Variants in MSH3 observed in about 807,000 individuals in gnomAD.
The protein encoded by MSH3 is DNA mismatch repair protein Msh3.
MSH3 carries 106 observed loss-of-function variants against 123.3 expected under a neutral mutation model. That is an observed-to-expected ratio of 0.86 (90% CI 0.73 to 1.01). The LOEUF is 1.01. Ranked by LOEUF, MSH3 falls within the 50% of genes least tolerant of loss-of-function variation. MSH3 has a pLI of 0.00. For synonymous variants in MSH3, 515 were observed against 481.4 expected, an observed-to-expected ratio of 1.07 and a Z score of -0.91; for missense variants, 1,459 against 1,347.6, an observed-to-expected ratio of 1.08 and a Z score of -1.29.
intron 8 of MSH3, among the ~76,000 whole-genome samples, chr5:80,688,045 G>A (rs1312208887): frequency 2.0e-5 from 3 of 152,110 alleles, no homozygotes; most frequent in African/African-American, 7.2e-5. Context: ...AATGATGTGA[G>A]CTAATTTTTT....
At chr5:80,720,514 CA>C (rs1751057356) in intron 8 of MSH3, among the ~76,000 whole-genome samples, 1 of 151,890 alleles carries the variant, frequency 6.6e-6, no homozygotes, top group Non-Finnish European at 1.5e-5. Context: ...AGTATTTATT[CA>C]GTTGTGTGCC....
At chr5:80,729,969 A>G (rs1312239004) in intron 10 of MSH3, among the ~76,000 whole-genome samples, 1 of 152,144 alleles carries the variant, frequency 6.6e-6, no homozygotes, top group Non-Finnish European at 1.5e-5. Context: ...ACTAGGAAAC[A>G]AGGAGGTGGT....
intron 5 of MSH3, among the ~76,000 whole-genome samples, 166 bp downstream of exon 5, chr5:80,672,526 T>C (rs1253855817): frequency 6.6e-6 from 1 of 152,250 alleles, no homozygotes; most frequent in East Asian, 1.9e-4. Context: ...TATGAGTTTT[T>C]AACATATTGT....
intron 20 of MSH3, among the ~76,000 whole-genome samples, chr5:80,844,042 A>G (rs896736062): frequency 6.6e-6 from 1 of 152,018 alleles, no homozygotes; most frequent in Non-Finnish European, 1.5e-5. Context: ...ATTTAGTGCT[A>G]TAAATTTCCC....
intron 11 of MSH3, among the ~76,000 whole-genome samples, chr5:80,742,873 C>T (rs913788621): frequency 7.9e-5 from 12 of 152,138 alleles, no homozygotes; most frequent in Non-Finnish European, 7.3e-5. Flanking sequence ...CTGCTTCTGC[C>T]GCATCTTCCC....
chr5:80,823,676 A>G (rs909011018), intron 20 of MSH3, among the ~76,000 whole-genome samples: 1 of 151,904 alleles, frequency 6.6e-6, no homozygotes, highest in Non-Finnish European at 1.5e-5. Flanking sequence ...CCCTACCTCC[A>G]GAAATCTTTT....
At chr5:80,684,082 T>C (rs1236285166) in intron 8 of MSH3, among the ~76,000 whole-genome samples, 3 of 152,212 alleles carry the variant, frequency 2.0e-5, no homozygotes, top group African/African-American at 7.2e-5. Context: ...TTTTGGTTAC[T>C]ATAGCTCTGT....
At chr5:80,785,082 G>A (rs965258369) in intron 17 of MSH3, among the ~76,000 whole-genome samples, 1 of 152,102 alleles carries the variant, frequency 6.6e-6, no homozygotes, top group Non-Finnish European at 1.5e-5. Context: ...AGTGTAATCT[G>A]GATATCTTTT....
chr5:80,748,357 A>G (rs909700908), intron 12 of MSH3, among the ~76,000 whole-genome samples: 2 of 152,148 alleles, frequency 1.3e-5, no homozygotes, highest in African/African-American at 4.8e-5. Context: ...TTTAATAGTG[A>G]CTTTTAGAAA....
intron 8 of MSH3, among the ~76,000 whole-genome samples, chr5:80,687,003 A>G (rs3797880): frequency 0.076 from 11,542 of 152,248 alleles, 850 homozygotes; most frequent in East Asian, 0.34. Context: ...TTACTGTTTA[A>G]TGGTTACTAA....
intron 20 of MSH3, among the ~76,000 whole-genome samples, chr5:80,837,871 C>A (rs1052853300): frequency 6.6e-6 from 1 of 152,154 alleles, no homozygotes; most frequent in Non-Finnish European, 1.5e-5. Context: ...AGAGATGCAT[C>A]CACTTTCAGA....
At chr5:80,826,282 C>T (rs1311037108) in intron 20 of MSH3, among the ~76,000 whole-genome samples, 1 of 152,182 alleles carries the variant, frequency 6.6e-6, no homozygotes, top group Non-Finnish European at 1.5e-5. Flanking sequence ...GTAATTGTTT[C>T]ATTAGAATAT....
chr5:80,813,500 A>G (rs1745044463), intron 19 of MSH3, 84 bp from the exon 20 acceptor site: 1 of 1,369,984 alleles, frequency 7.3e-7, no homozygotes, highest in Non-Finnish European at 1.0e-6. Flanking sequence ...GTTTTGCCTA[A>G]TGCATTTCCA....
At chr5:80,726,711 C>T (rs912127254) in intron 9 of MSH3, among the ~76,000 whole-genome samples, 1 of 152,226 alleles carries the variant, frequency 6.6e-6, no homozygotes, top group Admixed American at 6.5e-5. Context: ...TCAAACGATC[C>T]TCCCACCTCA....
At chr5:80,812,742 A>G (rs908411973) in intron 19 of MSH3, among the ~76,000 whole-genome samples, 1 of 151,664 alleles carries the variant, frequency 6.6e-6, no homozygotes, top group African/African-American at 2.4e-5. Flanking sequence ...TAATTTTTGT[A>G]TAGTTGGGGT....
intron 3 of MSH3, among the ~76,000 whole-genome samples, chr5:80,669,346 T>C (rs527539742): frequency 1.0e-3 from 154 of 152,262 alleles, no homozygotes; most frequent in African/African-American, 3.6e-3. Flanking sequence ...TTTTTAGAAG[T>C]TGGCAGTGAC....
rs573305879 is a variant in MSH3 at position 80,686,446 on chromosome 5, G to A, written c.1340+7353G>A. Among the ~76,000 whole-genome samples, 4 of 151,984 alleles carry A rather than the reference G, an allele frequency of 2.6e-5. No homozygotes were observed. The South Asian group carries it at 8.4e-4, about 32-fold the overall frequency. On this transcript the variant is annotated intron_variant, in intron 8 of 23. Coordinates refer to ENST00000265081, the MANE Select transcript of MSH3 (RefSeq NM_002439.5). ...GCCTCCCGAGTAGCTGGGATTACAG[G>A]CGTGCACCACCACGCCTGGCTAATT...
intron 8 of MSH3, among the ~76,000 whole-genome samples, chr5:80,691,877 A>C (rs1414324588): frequency 1.4e-5 from 2 of 145,920 alleles, no homozygotes; most frequent in Admixed American, 7.0e-5. Context: ...GTATGTTTAT[A>C]TAGATAAACG....
intron 1 of MSH3, chr5:80,655,718 G>T (rs1749264855): frequency 5.6e-6 from 1 of 177,370 alleles, no homozygotes; most frequent in East Asian, 9.7e-5. Context: ...GCCACCTACC[G>T]TGTTTTAATG....
Sources: gnomAD v4.1 joint callset for allele counts (sites outside exome capture counted in the v4.1 genomes callset) on GRCh38, gnomAD v4.1.1 for gene constraint, MANE v1.5 for transcripts, NCBI Gene and HGNC (gene_info 2026-07-23, HGNC 2026-07-21) for gene names.